GREB1L: variants seen among roughly 807,000 people sequenced by gnomAD.
GREB1L encodes GREB1-like protein.
In GREB1L, 17 loss-of-function variants were observed where a neutral mutation model predicts 200.8. That is an observed-to-expected ratio of 0.08 (90% CI 0.06 to 0.13). The LOEUF (loss-of-function observed/expected upper bound fraction) is 0.13, where lower values mean the gene tolerates loss of function less well. GREB1L is among the 10% of genes least tolerant of loss of function. The pLI, the probability that GREB1L is intolerant of heterozygous loss-of-function variation, is 1.00. For synonymous variants in GREB1L, 789 were observed against 893.0 expected, an observed-to-expected ratio of 0.88 and a Z score of 2.08; for missense variants, 1,657 against 2,367.7, an observed-to-expected ratio of 0.70 and a Z score of 6.23.
chr18:21,258,263 C>T (rs1265174344), intron 1 of GREB1L, among the ~76,000 whole-genome samples: 2 of 152,140 alleles, frequency 1.3e-5, no homozygotes, highest in Non-Finnish European at 2.9e-5. Context: ...GGGTAACAGG[C>T]TGTACAAGGC....
At chr18:21,437,576 A>G (rs1456974074) in intron 7 of GREB1L, among the ~76,000 whole-genome samples, 1 of 152,180 alleles carries the variant, frequency 6.6e-6, no homozygotes, top group East Asian at 1.9e-4. Context: ...TTGCCAAAAA[A>G]AAAACCTGAA....
At chr18:21,305,978 GA>G (rs1224814022) in intron 1 of GREB1L, among the ~76,000 whole-genome samples, 23 of 152,258 alleles carry the variant, frequency 1.5e-4, no homozygotes, top group Admixed American at 1.4e-3. Flanking sequence ...GGCCTTCCCT[GA>G]ACATCTCATC....
At chr18:21,383,188 A>G (rs2040395671) in intron 2 of GREB1L, among the ~76,000 whole-genome samples, 1 of 152,066 alleles carries the variant, frequency 6.6e-6, no homozygotes, top group African/African-American at 2.4e-5. Flanking sequence ...CACATTGTTA[A>G]CCAGGTTGGG....
intron 1 of GREB1L, among the ~76,000 whole-genome samples, chr18:21,303,886 G>A (rs1192789768): frequency 1.3e-5 from 2 of 152,188 alleles, no homozygotes; most frequent in African/African-American, 4.8e-5. Context: ...GGATTATGCA[G>A]TAAAGTAAAC....
rs1160441398 is a variant in GREB1L at position 21,495,764 on chromosome 18, C to G, written c.3125C>G (p.Pro1042Arg). The change falls in exon 20 of 33, where the codon CCT becomes CGT. Residue 1042 changes from proline to arginine, a missense_variant. This residue lies in a region of GREB1L where 512 missense variants were observed against 668.3 expected (regional missense o/e 0.77). Transcript: ENST00000424526. ...ATTGTGATATTAACTGGCAAAGATCCTCTTGGAGAAACCTTTCCCAGGTAC... is the reference window on the plus strand; with the variant it reads ...ATTGTGATATTAACTGGCAAAGATCGTCTTGGAGAAACCTTTCCCAGGTAC... ...PCIVILTGKD[P>R]LGETFPRSLK... 6.5e-7 allele frequency: 1 copy of G among 1,536,114 alleles called. No individual in the cohort carries two copies. Among genetic ancestry groups the G allele is most frequent in the Admixed American group, 2.0e-5 (1 of 49,706 alleles).
At chr18:21,351,677 G>A (rs1277168604) in intron 1 of GREB1L, among the ~76,000 whole-genome samples, 2 of 152,100 alleles carry the variant, frequency 1.3e-5, no homozygotes, top group Non-Finnish European at 2.9e-5. Flanking sequence ...GGTATGATAG[G>A]TGATAAGTTT....
Position 21,490,258 on chromosome 18 carries a change from C to A in GREB1L, c.2937C>A (p.Arg979=). 6.4e-7 allele frequency: 1 copy of A among 1,551,682 alleles called. No individual in the cohort carries two copies. The highest frequency in any genetic ancestry group is 8.7e-7 in the Non-Finnish European group (1 of 1,147,002). Residue 979 remains arginine (R), a synonymous_variant, in exon 19 of 33, where the codon CGC becomes CGA. Transcript: ENST00000424526. ...CCAAGGAGCGGCTACAGGAGGTGCG[C>A]GACAAACTGGGTCTGCAGTATCGGT... ...MLAKERLQEV[R]DKLGLQYRFE...
intron 17 of GREB1L, among the ~76,000 whole-genome samples, chr18:21,479,707 G>A (rs4265914): frequency 0.3 from 46,033 of 151,592 alleles, 9,394 homozygotes; most frequent in African/African-American, 0.55. Context: ...TTTTAAGGAA[G>A]TGATTAATTT....
chr18:21,378,804 T>G (rs2040182746), intron 2 of GREB1L, among the ~76,000 whole-genome samples: 1 of 152,214 alleles, frequency 6.6e-6, no homozygotes, highest in Non-Finnish European at 1.5e-5. Flanking sequence ...TTGCTAATGC[T>G]TTTGTAGGAT....
intron 1 of GREB1L, among the ~76,000 whole-genome samples, chr18:21,253,249 A>ATTT (rs66924517): frequency 9.4e-5 from 12 of 127,132 alleles, no homozygotes; most frequent in Non-Finnish European, 1.2e-4. Flanking sequence ...TATTTCAAGA[A>ATTT]TTTTTTTTTT....
chr18:21,378,449 G>A (rs551580168), intron 2 of GREB1L, among the ~76,000 whole-genome samples: 18 of 151,878 alleles, frequency 1.2e-4, no homozygotes, highest in East Asian at 1.9e-4. Flanking sequence ...GTGCAGCAGC[G>A]CCATCTTGGC....
chr18:21,446,198 T>C (rs1306658797), intron 11 of GREB1L, among the ~76,000 whole-genome samples: 2 of 152,334 alleles, frequency 1.3e-5, no homozygotes, highest in East Asian at 3.9e-4. Context: ...CTAATTTTTG[T>C]ATTTTTAGTA....
chr18:21,433,532 G>A (rs1175117592), intron 7 of GREB1L, among the ~76,000 whole-genome samples: 1 of 152,136 alleles, frequency 6.6e-6, no homozygotes. Flanking sequence ...AAAAACTGGG[G>A]TCATCTTCAG....
At chr18:21,451,245 A>C in intron 13 of GREB1L, 94 bp downstream of exon 13, 22 of 1,319,184 alleles carry the variant, frequency 1.7e-5, no homozygotes, top group East Asian at 2.5e-5. Context: ...TGTGGAGCTC[A>C]AGCTTGCCAG....
At chr18:21,320,903 A>G (rs921240663) in intron 1 of GREB1L, among the ~76,000 whole-genome samples, 6 of 152,246 alleles carry the variant, frequency 3.9e-5, no homozygotes, top group African/African-American at 1.2e-4. Context: ...AAGAGTTCTT[A>G]AAAATTAGAG....
At chr18:21,456,705 G>A (rs192445207) in intron 15 of GREB1L, among the ~76,000 whole-genome samples, 5 of 152,178 alleles carry the variant, frequency 3.3e-5, no homozygotes, top group South Asian at 4.2e-4. Flanking sequence ...TGGAAATATC[G>A]ACCTGTAGGT....
At chr18:21,414,524 G>A (rs1489672291) in intron 7 of GREB1L, among the ~76,000 whole-genome samples, 2 of 152,068 alleles carry the variant, frequency 1.3e-5, no homozygotes, top group African/African-American at 2.4e-5. Context: ...TAGAAATAAA[G>A]GCCAATACCT....
At chr18:21,433,000 C>T (rs937150907) in intron 7 of GREB1L, among the ~76,000 whole-genome samples, 2 of 152,094 alleles carry the variant, frequency 1.3e-5, no homozygotes, top group African/African-American at 4.8e-5. Context: ...AGCCACTGCA[C>T]CCAGCTGACA....
chr18:21,291,219 T>G (rs2144585822), intron 1 of GREB1L, among the ~76,000 whole-genome samples: 1 of 152,256 alleles, frequency 6.6e-6, no homozygotes, highest in East Asian at 1.9e-4. Flanking sequence ...AACCCAAGCA[T>G]TCTCACATCT....
Sources: allele counts gnomAD v4.1 joint callset (sites outside exome capture counted in the v4.1 genomes callset), GRCh38; gene constraint gnomAD v4.1.1; regional missense constraint gnomAD v4.1.1; transcripts MANE v1.5; gene names NCBI Gene and HGNC (gene_info 2026-07-23, HGNC 2026-07-21).